Variants in ZCCHC7 observed in about 807,000 individuals in gnomAD.
The protein encoded by ZCCHC7 is zinc finger CCHC domain-containing protein 7.
In ZCCHC7, 35 loss-of-function variants were observed where a neutral mutation model predicts 52.0. The observed-to-expected ratio is 0.67, with a 90% confidence interval of 0.51 to 0.89. The LOEUF is 0.89. Ranked by LOEUF, ZCCHC7 falls within the 40% of genes least tolerant of loss-of-function variation. The pLI, the probability that ZCCHC7 is intolerant of heterozygous loss-of-function variation, is 0.00. For missense variants in ZCCHC7, 574 were observed against 649.1 expected (o/e 0.88, Z 1.26); for synonymous variants, 217 against 221.5 (o/e 0.98, Z 0.18).
At position 37,287,990 on chromosome 9, in the gene ZCCHC7, G is replaced by C. The variant is rs74715980; in HGVS notation, c.611-14198G>C. ...CTTAAAGACCTTCTGTCAATATTCT[G>C]TCTAGAGGCTGGGTGCAGTGGCTCA... is the stretch of plus-strand genomic sequence containing the variant. On this transcript the variant is annotated intron_variant, in intron 2 of 8. Coordinates refer to ENST00000336755, the MANE Select transcript of ZCCHC7 (RefSeq NM_032226.3). Among the ~76,000 whole-genome samples the C allele has an allele frequency of 4.3e-3, 650 of 151,970 alleles. 4 individuals carry two copies. The highest frequency in any genetic ancestry group is 0.015 in the African/African-American group (609 of 41,454).
intron 2 of ZCCHC7, among the ~76,000 whole-genome samples, chr9:37,173,551 A>G (rs1821855082): frequency 6.6e-6 from 1 of 152,262 alleles, no homozygotes; most frequent in Non-Finnish European, 1.5e-5. Context: ...TAGATTCTGC[A>G]TTTCAGAAGC....
intron 2 of ZCCHC7, among the ~76,000 whole-genome samples, chr9:37,240,769 A>G (rs1825839805): frequency 6.6e-6 from 1 of 151,812 alleles, no homozygotes; most frequent in Non-Finnish European, 1.5e-5. Context: ...TTCAAAAGGG[A>G]TGGAATTAAA....
At chr9:37,151,524 G>C (rs1820525356) in intron 2 of ZCCHC7, among the ~76,000 whole-genome samples, 1 of 152,004 alleles carries the variant, frequency 6.6e-6, no homozygotes, top group African/African-American at 2.4e-5. Flanking sequence ...TCTTTTTCTG[G>C]CTGGGTGTGG....
At chr9:37,127,226 A>G (rs1842579379) in intron 2 of ZCCHC7, among the ~76,000 whole-genome samples, 1 of 152,060 alleles carries the variant, frequency 6.6e-6, no homozygotes, top group African/African-American at 2.4e-5. Context: ...TGGACCTGAA[A>G]TCTTACTTCC....
chr9:37,280,974 A>G (rs1827930701), intron 2 of ZCCHC7, among the ~76,000 whole-genome samples: 1 of 152,224 alleles, frequency 6.6e-6, no homozygotes, highest in Admixed American at 6.5e-5. Context: ...TATGGCAACT[A>G]TATCAGAAAG....
At chr9:37,153,065 G>A (rs1345455853) in intron 2 of ZCCHC7, among the ~76,000 whole-genome samples, 2 of 151,934 alleles carry the variant, frequency 1.3e-5, no homozygotes, top group African/African-American at 4.8e-5. Flanking sequence ...TGACCTTTGG[G>A]AGTGCTTTCA....
At chr9:37,255,851 T>A (rs1477564435) in intron 2 of ZCCHC7, among the ~76,000 whole-genome samples, 1 of 152,176 alleles carries the variant, frequency 6.6e-6, no homozygotes, top group East Asian at 1.9e-4. Context: ...AATAAGTGAA[T>A]GAGCTTTGCC....
At chr9:37,207,352 T>G (rs1214829796) in intron 2 of ZCCHC7, among the ~76,000 whole-genome samples, 1 of 152,208 alleles carries the variant, frequency 6.6e-6, no homozygotes, top group East Asian at 1.9e-4. Context: ...ATTTTTTTTC[T>G]ATACGTTAAT....
chr9:37,256,641 C>T (rs1044717729), intron 2 of ZCCHC7, among the ~76,000 whole-genome samples: 10 of 152,044 alleles, frequency 6.6e-5, no homozygotes, highest in Non-Finnish European at 1.2e-4. Flanking sequence ...TATGATGAAA[C>T]GGGAAGTACT....
chr9:37,257,575 A>G (rs1156839930), intron 2 of ZCCHC7, among the ~76,000 whole-genome samples: 1 of 151,940 alleles, frequency 6.6e-6, no homozygotes, highest in Non-Finnish European at 1.5e-5. Flanking sequence ...TAGAAGTTTC[A>G]CTTTTATTTA....
chr9:37,357,153 A>G lies in ZCCHC7; in HGVS notation c.1517A>G (p.Glu506Gly). The change falls in exon 9 of 9, where the codon GAA (glutamate) becomes GGA (glycine). Residue 506 changes from glutamate (E) to glycine (G), a missense_variant. Around this residue, in one of 3 missense-constraint regions of ZCCHC7, gnomAD observed 168 missense variants for 171.6 expected, o/e 0.98. Transcript: ENST00000336755. ...TCATCACATTACCACACGTCAAGAGAAGACAAGTCTCCCAAGGAAGGCAAG... is the reference window on the plus strand; with the variant it reads ...TCATCACATTACCACACGTCAAGAGGAGACAAGTCTCCCAAGGAAGGCAAG... ...HRSSHYHTSR[E>G]DKSPKEGKRG... 1 of 1,613,544 alleles carries G rather than the reference A, an allele frequency of 6.2e-7. No individual in the cohort carries two copies. The highest frequency in any genetic ancestry group is 8.5e-7 in the Non-Finnish European group (1 of 1,179,928).
At position 37,327,780 on chromosome 9, in the gene ZCCHC7, C is replaced by T; in HGVS notation, c.952-19C>T. The stretch of plus-strand genomic sequence containing the variant: ...ACCTTGTTTCATGCTCCCAGCTGAT[C>T]AATATTTTTATTTTCCAGGCTTGCA... On this transcript the variant is annotated intron_variant, in intron 5 of 8. Coordinates refer to ENST00000336755, the MANE Select transcript of ZCCHC7 (RefSeq NM_032226.3). 6.2e-7 allele frequency: 1 copy of T among 1,612,780 alleles called. No individual in the cohort carries two copies. Among genetic ancestry groups the T allele is most frequent in the Non-Finnish European group, 8.5e-7 (1 of 1,179,102 alleles).
intron 2 of ZCCHC7, among the ~76,000 whole-genome samples, chr9:37,249,766 A>G (rs1194213103): frequency 6.6e-6 from 1 of 151,998 alleles, no homozygotes; most frequent in Non-Finnish European, 1.5e-5. Flanking sequence ...AGATTTTCTA[A>G]AGTGTTCAAC....
chr9:37,279,455 A>G (rs1827843678), intron 2 of ZCCHC7, among the ~76,000 whole-genome samples: 1 of 152,100 alleles, frequency 6.6e-6, no homozygotes, highest in Non-Finnish European at 1.5e-5. Flanking sequence ...CCTAAAATGC[A>G]ATAGAGAAAT....
chr9:37,289,792 C>T (rs1223701932), intron 2 of ZCCHC7, among the ~76,000 whole-genome samples: 1 of 152,144 alleles, frequency 6.6e-6, no homozygotes, highest in Non-Finnish European at 1.5e-5. Context: ...CTTCACATTC[C>T]CTTCATTTTC....
chr9:37,239,793 A>G (rs1236566927), intron 2 of ZCCHC7, among the ~76,000 whole-genome samples: 2 of 152,256 alleles, frequency 1.3e-5, no homozygotes, highest in African/African-American at 4.8e-5. Context: ...TATTTGGGAC[A>G]CAGTCTGCCT....
chr9:37,152,546 C>CT (rs1337273460), intron 2 of ZCCHC7, among the ~76,000 whole-genome samples: 5 of 151,870 alleles, frequency 3.3e-5, no homozygotes, highest in East Asian at 1.9e-4. Flanking sequence ...TCAGACTTTC[C>CT]TTTTTTTTGA....
intron 2 of ZCCHC7, chr9:37,205,227 C>CA (rs537113178): frequency 4.2e-5 from 16 of 379,200 alleles, no homozygotes; most frequent in South Asian, 3.7e-4. Flanking sequence ...GTAGACTCTT[C>CA]CAGGTTTGCC....
At chr9:37,331,575 T>C (rs969386886) in intron 6 of ZCCHC7, among the ~76,000 whole-genome samples, 2 of 151,640 alleles carry the variant, frequency 1.3e-5, no homozygotes, top group Admixed American at 6.6e-5. Flanking sequence ...GTTCTGAGAC[T>C]ATAGCTATGC....
Sources: gnomAD v4.1 joint callset for allele counts (sites outside exome capture counted in the v4.1 genomes callset) on GRCh38, gnomAD v4.1.1 for gene constraint, gnomAD v4.1.1 regional missense constraint, MANE v1.5 for transcripts, NCBI Gene and HGNC (gene_info 2026-07-23, HGNC 2026-07-21) for gene names.